OXR1: variants seen among roughly 807,000 people sequenced by gnomAD.
OXR1 encodes oxidation resistance protein 1.
A neutral mutation model predicts 104.6 loss-of-function variants in OXR1; 41 were observed. The observed-to-expected ratio is 0.39, with a 90% confidence interval of 0.31 to 0.51. OXR1 has a LOEUF of 0.51. Among genes scored for constraint, OXR1 ranks in the 20% least tolerant of loss-of-function variants. OXR1 has a pLI of 0.77. For missense variants in OXR1, 955 were observed against 1,031.9 expected, an observed-to-expected ratio of 0.93 and a Z score of 1.02; for synonymous variants, 348 against 348.4, an observed-to-expected ratio of 1.00 and a Z score of 0.01.
At chr8:106,546,227 A>G (rs773614942) in intron 3 of OXR1, among the ~76,000 whole-genome samples, 1 of 152,138 alleles carries the variant, frequency 6.6e-6, no homozygotes, top group Non-Finnish European at 1.5e-5. Context: ...TTTTTGTTAG[A>G]TACCTCTGGC....
At chr8:106,463,244 A>T (rs1187814313) in intron 2 of OXR1, among the ~76,000 whole-genome samples, 1 of 152,158 alleles carries the variant, frequency 6.6e-6, no homozygotes, top group Non-Finnish European at 1.5e-5. Flanking sequence ...GTGACCTTCA[A>T]CTACAATAGT....
intron 3 of OXR1, among the ~76,000 whole-genome samples, chr8:106,634,185 A>C (rs1455741401): frequency 6.6e-6 from 1 of 152,216 alleles, no homozygotes; most frequent in Non-Finnish European, 1.5e-5. Flanking sequence ...ATGAGCCAGT[A>C]TAACGTGAAA....
At chr8:106,497,468 A>C in intron 2 of OXR1, among the ~76,000 whole-genome samples, 1 of 152,174 alleles carries the variant, frequency 6.6e-6, no homozygotes, top group East Asian at 1.9e-4. Flanking sequence ...CTTTCATCTC[A>C]AAATAAAGAG....
At chr8:106,420,325 T>C (rs1818853644) in intron 2 of OXR1, among the ~76,000 whole-genome samples, 1 of 151,976 alleles carries the variant, frequency 6.6e-6, no homozygotes, top group African/African-American at 2.4e-5. Flanking sequence ...CTTATGAATT[T>C]CTTTTGTATA....
chr8:106,340,398 C>T (rs755832813), intron 1 of OXR1, among the ~76,000 whole-genome samples: 10 of 152,064 alleles, frequency 6.6e-5, no homozygotes, highest in Non-Finnish European at 1.2e-4. Flanking sequence ...GTTTTCAATA[C>T]AACTTTTAAA....
intron 3 of OXR1, among the ~76,000 whole-genome samples, chr8:106,649,082 A>G (rs1182225774): frequency 6.6e-6 from 1 of 152,044 alleles, no homozygotes; most frequent in African/African-American, 2.4e-5. Context: ...GCATGTGCCT[A>G]TGGTCCCAGC....
At position 106,750,836 on chromosome 8, in the gene OXR1, T is replaced by C. The variant is rs775623536; in HGVS notation, c.2517T>C (p.Asp839=). Residue 839 remains aspartate, a synonymous_variant, in exon 17 of 17, where the codon GAT becomes GAC. Coordinates refer to ENST00000517566, the MANE Select transcript of OXR1 (RefSeq NM_001198533.2). ...GGEFALWLDG[D]LYHGRSHSCK... is the part of the protein sequence containing the mutation. Reference sequence around the variant, plus strand: ...AATTTGCGCTTTGGCTTGATGGAGATCTCTACCATGGAAGAAGCCATTCTT... The same window carrying C: ...AATTTGCGCTTTGGCTTGATGGAGACCTCTACCATGGAAGAAGCCATTCTT... The C allele has an allele frequency of 6.2e-6, 10 of 1,608,152 alleles. No individual in the cohort carries two copies. The highest frequency in any genetic ancestry group is 8.5e-6 in the Non-Finnish European group (10 of 1,176,646).
chr8:106,603,254 G>A (rs9297384), intron 3 of OXR1, among the ~76,000 whole-genome samples: 27,611 of 151,906 alleles, frequency 0.18, 2,701 homozygotes, highest in East Asian at 0.41. Flanking sequence ...TGATAACATG[G>A]GTATTACCTC....
chr8:106,623,521 A>G (rs1009231908), intron 3 of OXR1, among the ~76,000 whole-genome samples: 2 of 152,156 alleles, frequency 1.3e-5, no homozygotes, highest in African/African-American at 4.8e-5. Flanking sequence ...ACACATACTC[A>G]GACAAACTCT....
At chr8:106,463,306 C>T (rs1328088025) in intron 2 of OXR1, among the ~76,000 whole-genome samples, 1 of 151,986 alleles carries the variant, frequency 6.6e-6, no homozygotes, top group African/African-American at 2.4e-5. Flanking sequence ...TTATTGAATC[C>T]ATTTTCAATG....
At chr8:106,284,714 G>A (rs542435830) in intron 1 of OXR1, among the ~76,000 whole-genome samples, 2 of 152,074 alleles carry the variant, frequency 1.3e-5, no homozygotes, top group South Asian at 4.2e-4. Flanking sequence ...CTGAGGGGAG[G>A]GAATTCTAAA....
intron 7 of OXR1, 39 bp from the exon 8 acceptor site, chr8:106,702,867 A>G (rs749237706): frequency 2.8e-5 from 42 of 1,508,286 alleles, no homozygotes; most frequent in Admixed American, 5.4e-5. Flanking sequence ...TGAAGTATCA[A>G]CCTTGAGGAT....
chr8:106,558,895 A>T (rs1226902341), intron 3 of OXR1, among the ~76,000 whole-genome samples: 1 of 152,182 alleles, frequency 6.6e-6, no homozygotes, highest in Non-Finnish European at 1.5e-5. Context: ...GAACAAGCAC[A>T]CATTATATAC....
At chr8:106,661,838 C>T (rs1468743040) in intron 3 of OXR1, among the ~76,000 whole-genome samples, 2 of 152,158 alleles carry the variant, frequency 1.3e-5, no homozygotes, top group Non-Finnish European at 2.9e-5. Flanking sequence ...CAATTTATAT[C>T]TCCATTTACC....
At position 106,309,457 on chromosome 8, in the gene OXR1, G is replaced by T. The variant is rs535839731; in HGVS notation, c.-139+39090G>T. 2.5e-3 allele frequency among the ~76,000 whole-genome samples: 376 copies of T among 152,180 alleles called. 1 individual carries two copies. The highest frequency in any genetic ancestry group is 8.5e-3 in the African/African-American group (352 of 41,530). On this transcript the variant is annotated intron_variant, in intron 1 of 16. Transcript: ENST00000517566. ...ATAAATTAGCAGGAACCCACTCCAG[G>T]ATACGTGAGCTATTTATAGCCATTT...
intron 11 of OXR1, among the ~76,000 whole-genome samples, chr8:106,715,889 G>T (rs966561540): frequency 2.6e-5 from 4 of 152,098 alleles, no homozygotes; most frequent in Non-Finnish European, 5.9e-5. Flanking sequence ...CAGTTCAAAA[G>T]AAAATGGAAG....
intron 3 of OXR1, among the ~76,000 whole-genome samples, chr8:106,557,553 T>C (rs11996623): frequency 0.41 from 62,819 of 151,684 alleles, 13,228 homozygotes; most frequent in Admixed American, 0.45. Context: ...AATTCTACTT[T>C]TTTTTTTTTA....
chr8:106,432,070 A>G (rs2130565360), intron 2 of OXR1, among the ~76,000 whole-genome samples: 1 of 152,318 alleles, frequency 6.6e-6, no homozygotes, highest in Non-Finnish European at 1.5e-5. Context: ...CAAATAATAT[A>G]TCTACTTGGC....
chr8:106,416,282 T>C (rs1185761175), intron 2 of OXR1, among the ~76,000 whole-genome samples: 5 of 152,022 alleles, frequency 3.3e-5, no homozygotes, highest in Non-Finnish European at 7.4e-5. Flanking sequence ...GAGTGGTGAG[T>C]AATAAATCTG....
Sources: allele counts gnomAD v4.1 joint callset (sites outside exome capture counted in the v4.1 genomes callset), GRCh38; gene constraint gnomAD v4.1.1; transcripts MANE v1.5; gene names NCBI Gene and HGNC (gene_info 2026-07-23, HGNC 2026-07-21).